CCDC170: variants seen among roughly 807,000 people sequenced by gnomAD.
CCDC170 encodes coiled-coil domain containing 170.
Under a neutral mutation model 72.6 loss-of-function variants are expected in CCDC170, and 69 were observed. The observed-to-expected ratio is 0.95, with a 90% CI of 0.78 to 1.16. The LOEUF is 1.16. Ranked by LOEUF, CCDC170 falls within the 50% of genes most tolerant of loss-of-function variation. The pLI, the probability that CCDC170 is intolerant of heterozygous loss-of-function variation, is 0.00. For missense variants in CCDC170, 852 were observed against 832.5 expected (o/e 1.02, Z -0.29); for synonymous variants, 300 against 303.9 (o/e 0.99, Z 0.13).
intron 6 of CCDC170, among the ~76,000 whole-genome samples, chr6:151,576,157 A>G (rs1185279499): frequency 1.2e-4 from 19 of 152,214 alleles, no homozygotes; most frequent in Admixed American, 1.2e-3. Context: ...CTTCACTTTC[A>G]GTATTCAACA....
At chr6:151,548,604 T>C in intron 5 of CCDC170, 115 bp downstream of exon 5, 1 of 940,380 alleles carries the variant, frequency 1.1e-6, no homozygotes, top group Non-Finnish European at 1.5e-6. Flanking sequence ...TTTTTATTGA[T>C]CACAATTTTA....
intron 1 of CCDC170, among the ~76,000 whole-genome samples, chr6:151,524,988 A>G (rs577200791): frequency 2.3e-5 from 3 of 131,416 alleles, no homozygotes; most frequent in African/African-American, 3.1e-5. Context: ...GCTGGAGTGC[A>G]GTGGTGCAAT....
At chr6:151,608,505 G>A (rs1054032448) in intron 9 of CCDC170, among the ~76,000 whole-genome samples, 1 of 151,934 alleles carries the variant, frequency 6.6e-6, no homozygotes, top group Non-Finnish European at 1.5e-5. Flanking sequence ...TGTTGATTGG[G>A]TAGGGTGTTT....
chr6:151,578,434 CTG>C (rs1237475854), intron 6 of CCDC170, among the ~76,000 whole-genome samples: 1 of 152,130 alleles, frequency 6.6e-6, no homozygotes, highest in Admixed American at 6.5e-5. Flanking sequence ...AGTGTTCTTC[CTG>C]TGTGTTCACA....
At chr6:151,548,277 G>A (rs370030996) in intron 4 of CCDC170, 27 bp from the exon 5 acceptor site, 1 of 1,499,690 alleles carries the variant, frequency 6.7e-7, no homozygotes, top group Non-Finnish European at 8.9e-7. Context: ...AATTTTTATA[G>A]GACAGCTGTA....
chr6:151,609,946 A>G (rs1776843826), intron 9 of CCDC170, among the ~76,000 whole-genome samples: 1 of 152,248 alleles, frequency 6.6e-6, no homozygotes, highest in Non-Finnish European at 1.5e-5. Context: ...TAGACCTCCA[A>G]GCTGTGTTCC....
At chr6:151,531,283 AG>A (rs1283432903) in intron 1 of CCDC170, among the ~76,000 whole-genome samples, 6 of 152,240 alleles carry the variant, frequency 3.9e-5, no homozygotes, top group Non-Finnish European at 8.8e-5. Flanking sequence ...AATAAATTTA[AG>A]ATAGACTTAA....
intron 9 of CCDC170, among the ~76,000 whole-genome samples, chr6:151,605,733 C>A (rs1776773227): frequency 1.3e-5 from 2 of 152,112 alleles, no homozygotes; most frequent in African/African-American, 4.8e-5. Flanking sequence ...GATTTTCTTA[C>A]TCTCTGTTTA....
chr6:151,527,695 TAGAA>T (rs931957211), intron 1 of CCDC170, among the ~76,000 whole-genome samples: 40 of 149,826 alleles, frequency 2.7e-4, no homozygotes, highest in African/African-American at 9.6e-4. Context: ...GAGAGAGAAA[TAGAA>T]AGAGAGAGAG....
intron 1 of CCDC170, among the ~76,000 whole-genome samples, chr6:151,528,102 A>G (rs1782439560): frequency 6.6e-6 from 1 of 152,200 alleles, no homozygotes; most frequent in Non-Finnish European, 1.5e-5. Flanking sequence ...AATCATTATC[A>G]TAATAATATC....
intron 1 of CCDC170, among the ~76,000 whole-genome samples, chr6:151,503,292 G>A (rs1177314114): frequency 1.3e-5 from 2 of 152,146 alleles, no homozygotes; most frequent in Non-Finnish European, 2.9e-5. Flanking sequence ...CAGAATAACA[G>A]GATGGAGATG....
chr6:151,526,814 A>G (rs184009632), intron 1 of CCDC170, among the ~76,000 whole-genome samples: 72 of 152,252 alleles, frequency 4.7e-4, no homozygotes, highest in African/African-American at 9.9e-4. Flanking sequence ...CACTCAATGA[A>G]AAGAAGACTC....
At chr6:151,548,570 C>A in intron 5 of CCDC170, 81 bp downstream of exon 5, 1 of 1,255,808 alleles carries the variant, frequency 8.0e-7, no homozygotes, top group Non-Finnish European at 1.1e-6. Context: ...CAGATAAGTG[C>A]CCTAGAACTA....
At chr6:151,508,478 C>T (rs994774674) in intron 1 of CCDC170, among the ~76,000 whole-genome samples, 1 of 151,942 alleles carries the variant, frequency 6.6e-6, no homozygotes, top group Non-Finnish European at 1.5e-5. Flanking sequence ...GCAGAGGTTG[C>T]AGTGAGCAAA....
At chr6:151,585,763 G>T in intron 6 of CCDC170, 126 bp from the exon 7 acceptor site, 1 of 768,440 alleles carries the variant, frequency 1.3e-6, no homozygotes, top group South Asian at 2.4e-5. Context: ...ATTTTAAATG[G>T]GATTTTTACA....
intron 1 of CCDC170, among the ~76,000 whole-genome samples, chr6:151,505,942 TAAAC>T (rs1264649851): frequency 6.6e-6 from 1 of 151,788 alleles, no homozygotes; most frequent in Non-Finnish European, 1.5e-5. Context: ...ACAAAAAAAT[TAAAC>T]AAACAAACAG....
In CCDC170 at chr6:151,593,519, A is replaced by G. The variant is rs557257686; in HGVS notation, c.1467+239A>G. Among the ~76,000 whole-genome samples the G allele has an allele frequency of 5.3e-5, 8 of 152,260 alleles. No individual in the cohort carries two copies. In the South Asian group the frequency reaches 6.2e-4, roughly 12 times the overall value. ...CACAATGGCAGTGACTTAAGCAAGT[A>G]AAAGTTTTTTGTTGTTGTTGTTTGT... On this transcript the variant is annotated intron_variant, in intron 8 of 10. Transcript: ENST00000239374.
intron 3 of CCDC170, 73 bp from the exon 4 acceptor site, chr6:151,544,499 T>C: frequency 7.2e-7 from 1 of 1,397,114 alleles, no homozygotes; most frequent in Non-Finnish European, 9.9e-7. Context: ...ATAGAGCTTA[T>C]ATTCTGACTT....
chr6:151,526,277 C>T (rs1459321518), intron 1 of CCDC170, among the ~76,000 whole-genome samples: 3 of 151,662 alleles, frequency 2.0e-5, no homozygotes, highest in Admixed American at 1.3e-4. Context: ...GGCTGGAGTG[C>T]AGTGGCATGA....
Sources: gnomAD v4.1 joint callset for allele counts (sites outside exome capture counted in the v4.1 genomes callset) on GRCh38, gnomAD v4.1.1 for gene constraint, MANE v1.5 for transcripts, NCBI Gene and HGNC (gene_info 2026-07-23, HGNC 2026-07-21) for gene names.